TMTC2: variants seen among roughly 807,000 people sequenced by gnomAD.
The protein encoded by TMTC2 is protein O-mannosyl-transferase TMTC2.
Under a neutral mutation model 82.4 loss-of-function variants are expected in TMTC2, and 43 were observed. The observed-to-expected ratio is 0.52, with a 90% CI of 0.41 to 0.67. The LOEUF is 0.67. Ranked by LOEUF, TMTC2 falls within the 30% of genes least tolerant of loss-of-function variation. The pLI, the probability that TMTC2 is intolerant of heterozygous loss-of-function variation, is 0.00. For missense variants in TMTC2, 919 were observed against 1,012.4 expected, an observed-to-expected ratio of 0.91 and a Z score of 1.25; for synonymous variants, 408 against 381.9, an observed-to-expected ratio of 1.07 and a Z score of -0.80.
intron 8 of TMTC2, among the ~76,000 whole-genome samples, chr12:83,003,946 A>G (rs932580575): frequency 1.3e-5 from 2 of 152,124 alleles, no homozygotes; most frequent in Non-Finnish European, 1.5e-5. Flanking sequence ...GAACTCTTAC[A>G]TATCCTCAAA....
At chr12:82,748,081 C>T (rs1565732921) in intron 1 of TMTC2, among the ~76,000 whole-genome samples, 2 of 152,234 alleles carry the variant, frequency 1.3e-5, no homozygotes, top group Non-Finnish European at 1.5e-5. Context: ...GAGGCTGAGG[C>T]GGGTGGATCA....
intron 1 of TMTC2, among the ~76,000 whole-genome samples, chr12:82,749,739 CTTTTTTTTTT>C (rs71068950): frequency 7.9e-6 from 1 of 127,164 alleles, no homozygotes; most frequent in Non-Finnish European, 1.6e-5. Context: ...TTCTTTCTTT[CTTTTTTTTTT>C]TTTTTTGAGG....
At chr12:82,752,091 C>T (rs927966465) in intron 1 of TMTC2, among the ~76,000 whole-genome samples, 3 of 150,454 alleles carry the variant, frequency 2.0e-5, no homozygotes, top group African/African-American at 7.3e-5. Flanking sequence ...TAAATAGATA[C>T]ATTATCCCTC....
intron 4 of TMTC2, among the ~76,000 whole-genome samples, chr12:82,955,395 C>G (rs745780007): frequency 6.6e-6 from 1 of 152,156 alleles, no homozygotes; most frequent in Admixed American, 6.5e-5. Flanking sequence ...CAGCTCTGTC[C>G]AATCCACTGT....
chr12:82,793,343 A>C (rs1878556272), intron 1 of TMTC2, among the ~76,000 whole-genome samples: 1 of 151,048 alleles, frequency 6.6e-6, no homozygotes, highest in Admixed American at 6.7e-5. Context: ...ATAAGAAAGC[A>C]AAATCAATTG....
chr12:82,779,734 A>G (rs1877796650), intron 1 of TMTC2, among the ~76,000 whole-genome samples: 2 of 152,024 alleles, frequency 1.3e-5, no homozygotes, highest in South Asian at 4.1e-4. Flanking sequence ...CCCTGTCTCT[A>G]CTAAAAACTA....
At chr12:82,948,733 C>T (rs1327242623) in intron 4 of TMTC2, among the ~76,000 whole-genome samples, 1 of 152,116 alleles carries the variant, frequency 6.6e-6, no homozygotes, top group Non-Finnish European at 1.5e-5. Flanking sequence ...CTCTGTGTGC[C>T]CATGGGGTCA....
At chr12:82,915,587 C>T (rs1344349584) in intron 3 of TMTC2, among the ~76,000 whole-genome samples, 1 of 152,148 alleles carries the variant, frequency 6.6e-6, no homozygotes, top group African/African-American at 2.4e-5. Flanking sequence ...TGAGATAAAA[C>T]AGATGTGGTT....
At chr12:83,072,919 A>ATAGT (rs143971657) in intron 11 of TMTC2, among the ~76,000 whole-genome samples, 1,854 of 152,184 alleles carry the variant, frequency 0.012, 42 homozygotes, top group African/African-American at 0.042. Flanking sequence ...GAGGCAGCAG[A>ATAGT]TGGTTGGTGA....
At chr12:82,925,617 C>A (rs1238876451) in intron 3 of TMTC2, among the ~76,000 whole-genome samples, 1 of 152,062 alleles carries the variant, frequency 6.6e-6, no homozygotes, top group Non-Finnish European at 1.5e-5. Context: ...CATATTTTGG[C>A]AATTCTCACA....
At chr12:83,031,946 CTGT>C (rs1171349594) in intron 9 of TMTC2, among the ~76,000 whole-genome samples, 1 of 152,130 alleles carries the variant, frequency 6.6e-6, no homozygotes, top group East Asian at 1.9e-4. Context: ...CACAATGCAG[CTGT>C]AATGCCATGT....
intron 11 of TMTC2, among the ~76,000 whole-genome samples, chr12:83,086,670 A>G (rs1471963194): frequency 6.6e-6 from 1 of 152,120 alleles, no homozygotes; most frequent in Non-Finnish European, 1.5e-5. Context: ...TGGTGTTTTG[A>G]TTTTATGTTT....
At chr12:82,751,346 A>G (rs1308717885) in intron 1 of TMTC2, among the ~76,000 whole-genome samples, 2 of 150,214 alleles carry the variant, frequency 1.3e-5, no homozygotes, top group East Asian at 2.0e-4. Flanking sequence ...ATGAGAAGAC[A>G]TGGACACAGG....
At chr12:83,022,666 A>AT (rs112713185) in intron 8 of TMTC2, among the ~76,000 whole-genome samples, 12,338 of 152,050 alleles carry the variant, frequency 0.081, 694 homozygotes, top group East Asian at 0.29. Context: ...AGCGTAGTAC[A>AT]TTTTTTTAAC....
rs556922391 is a variant in TMTC2 at position 83,030,275 on chromosome 12, A to G, written c.2071-523A>G. 3.9e-5 allele frequency among the ~76,000 whole-genome samples: 6 copies of G among 152,248 alleles called. No individual in the cohort carries two copies. In the East Asian group the frequency reaches 1.2e-3, roughly 29 times the overall value. On this transcript the variant is annotated intron_variant, in intron 8 of 11. Transcript: ENST00000321196. ...TGTTTTAAGTATTTTTGGCATACAT[A>G]CATTATAAGAAGTATTATTATTTTC...
At chr12:82,989,944 A>G (rs549364153) in intron 8 of TMTC2, among the ~76,000 whole-genome samples, 1 of 152,194 alleles carries the variant, frequency 6.6e-6, no homozygotes, top group South Asian at 2.1e-4. Context: ...CCCCACAACC[A>G]TCTTTAACAG....
chr12:82,754,457 G>A (rs1020337247), intron 1 of TMTC2, among the ~76,000 whole-genome samples: 3 of 152,028 alleles, frequency 2.0e-5, no homozygotes, highest in Non-Finnish European at 2.9e-5. Flanking sequence ...ACTTCAGGCC[G>A]GGTGTGTTGG....
intron 2 of TMTC2, among the ~76,000 whole-genome samples, chr12:82,860,089 C>T (rs747603595): frequency 6.6e-6 from 1 of 151,994 alleles, no homozygotes; most frequent in East Asian, 1.9e-4. Context: ...CTCTTCTGCC[C>T]CAGCCTCCTG....
At chr12:83,104,925 C>T (rs1377810485) in intron 11 of TMTC2, among the ~76,000 whole-genome samples, 2 of 152,196 alleles carry the variant, frequency 1.3e-5, no homozygotes, top group East Asian at 1.9e-4. Flanking sequence ...TTCTTCACTC[C>T]TGTGTCAGAG....
Sources: allele counts gnomAD v4.1 joint callset (sites outside exome capture counted in the v4.1 genomes callset), GRCh38; gene constraint gnomAD v4.1.1; transcripts MANE v1.5; gene names NCBI Gene and HGNC (gene_info 2026-07-23, HGNC 2026-07-21).